Variants in SLC5A4 observed in about 807,000 individuals in gnomAD.
SLC5A4 encodes probable glucose sensor protein SLC5A4.
In SLC5A4, 55 loss-of-function variants were observed where a neutral mutation model predicts 70.3. The ratio of observed to expected loss-of-function variants is 0.78; its 90% CI spans 0.63 to 0.98. The LOEUF (loss-of-function observed/expected upper bound fraction) is 0.98, where lower values mean the gene tolerates loss of function less well. Among genes scored for constraint, SLC5A4 ranks in the 50% least tolerant of loss-of-function variants. The pLI is 0.00. For synonymous variants in SLC5A4, 268 were observed against 305.7 expected (o/e 0.88, Z 1.29); for missense variants, 735 against 839.2 (o/e 0.88, Z 1.53).
At chr22:32,281,729 A>C in the SLC5A4 span, among the ~76,000 whole-genome samples, 7 of 152,002 alleles carry the variant, frequency 4.6e-5, no homozygotes, top group African/African-American at 1.7e-4. Context: ...GTCTCAAGCA[A>C]TCCTTCCCGC....
the SLC5A4 span, among the ~76,000 whole-genome samples, chr22:32,299,054 G>T: frequency 0.1 from 14,245 of 138,602 alleles, 787 homozygotes; most frequent in Non-Finnish European, 0.16. Flanking sequence ...CCCTTTGAGG[G>T]TAACCCGACC....
chr22:32,230,921 G>T, intron 10 of SLC5A4, 47 bp downstream of exon 10: 1 of 1,216,538 alleles, frequency 8.2e-7, no homozygotes, highest in South Asian at 1.2e-5. Context: ...CTCGAGGCCC[G>T]TCTTAGACAG....
At chr22:32,290,736 G>A in the SLC5A4 span, among the ~76,000 whole-genome samples, 1 of 152,092 alleles carries the variant, frequency 6.6e-6, no homozygotes, top group Non-Finnish European at 1.5e-5. Context: ...GCAGCTTGTT[G>A]CTGTGTCCTC....
the SLC5A4 span, among the ~76,000 whole-genome samples, chr22:32,260,987 C>T: frequency 1.3e-5 from 2 of 151,780 alleles, no homozygotes; most frequent in Non-Finnish European, 1.5e-5. Context: ...GCAGGAGAAT[C>T]GTTTGAACCC....
chr22:32,311,758 C>T, the SLC5A4 span, among the ~76,000 whole-genome samples: 6 of 152,208 alleles, frequency 3.9e-5, no homozygotes, highest in Middle Eastern at 3.4e-3. Context: ...GGTGCTTAGC[C>T]AGAATGTGCT....
chr22:32,307,874 T>G, the SLC5A4 span, among the ~76,000 whole-genome samples: 1 of 152,184 alleles, frequency 6.6e-6, no homozygotes. Flanking sequence ...GCAGACACCC[T>G]CTGATACCCA....
chr22:32,325,315 C>A, the SLC5A4 span, among the ~76,000 whole-genome samples: 2 of 152,226 alleles, frequency 1.3e-5, no homozygotes, highest in African/African-American at 4.8e-5. Flanking sequence ...AGCAGCAGAC[C>A]CACGCTGTGT....
At chr22:32,350,453 T>C in the SLC5A4 span, among the ~76,000 whole-genome samples, 2 of 152,200 alleles carry the variant, frequency 1.3e-5, no homozygotes, top group East Asian at 1.9e-4. Context: ...TCTACAGCTA[T>C]ATAATTTAAC....
chr22:32,308,352 G>A, the SLC5A4 span, among the ~76,000 whole-genome samples: 66 of 152,328 alleles, frequency 4.3e-4, no homozygotes, highest in Admixed American at 6.5e-4. Context: ...TGATTGCGAA[G>A]GCAGCCACGC....
the SLC5A4 span, among the ~76,000 whole-genome samples, chr22:32,296,315 T>C: frequency 6.7e-4 from 51 of 75,784 alleles, no homozygotes; most frequent in African/African-American, 2.4e-3. Flanking sequence ...CATTTGTTTG[T>C]ATCCTCTTTT....
chr22:32,312,065 A>ATGAAAACACTTAACT, the SLC5A4 span, among the ~76,000 whole-genome samples: 4 of 152,116 alleles, frequency 2.6e-5, no homozygotes, highest in Admixed American at 1.3e-4. Flanking sequence ...GGGAGAGTGC[A>ATGAAAACACTTAACT]TGAAAACACT....
the SLC5A4 span, among the ~76,000 whole-genome samples, chr22:32,314,226 C>T: frequency 1.3e-5 from 2 of 152,294 alleles, no homozygotes; most frequent in South Asian, 2.1e-4. Context: ...TCTCCATCAC[C>T]GACTTTTTTT....
At chr22:32,311,099 C>G in the SLC5A4 span, among the ~76,000 whole-genome samples, 1 of 152,220 alleles carries the variant, frequency 6.6e-6, no homozygotes, top group African/African-American at 2.4e-5. Context: ...GGCCTTCAAT[C>G]ATCTGCTCAA....
the SLC5A4 span, among the ~76,000 whole-genome samples, chr22:32,335,310 G>A: frequency 1.1e-3 from 169 of 151,948 alleles, no homozygotes; most frequent in African/African-American, 4.0e-3. Flanking sequence ...AGAGCAACCA[G>A]GCTGGCAACA....
the SLC5A4 span, among the ~76,000 whole-genome samples, chr22:32,330,149 G>A: frequency 1.7e-4 from 23 of 135,544 alleles, no homozygotes; most frequent in Admixed American, 5.5e-4. Flanking sequence ...GGCTCTGTGC[G>A]TATTGGGGAC....
intron 2 of SLC5A4, among the ~76,000 whole-genome samples, chr22:32,252,816 G>T (rs74593663): frequency 6.6e-6 from 1 of 152,018 alleles, no homozygotes; most frequent in African/African-American, 2.4e-5. Context: ...TCATCCCCTC[G>T]CCATTACAGT....
In SLC5A4 at chr22:32,220,987, T is replaced by A. The variant is rs1925044164; in HGVS notation, c.1701A>T (p.Thr567=). 1 of 1,614,068 alleles carries A rather than the reference T, an allele frequency of 6.2e-7. No individual in the cohort carries two copies. The highest frequency in any genetic ancestry group is 8.5e-7 in the Non-Finnish European group (1 of 1,179,922). ...YRLCWVLRNS[T]EERIDIDAEE... is the part of the protein sequence containing the mutation. ...CTGCATCTATATCGATTCGCTCCTC[T>A]GTACTGTTCCGAAGAACCCAGCACA... is the stretch of plus-strand genomic sequence containing the variant. The change falls in exon 14 of 15, where the codon ACA becomes ACT. Residue 567 remains threonine (T), a synonymous_variant. Transcript: ENST00000266086.
At chr22:32,268,271 T>C in the SLC5A4 span, 1 of 151,384 alleles carries the variant, frequency 6.6e-6, no homozygotes, top group Non-Finnish European at 1.5e-5. Flanking sequence ...TCTAATAGCA[T>C]GTACATTTTT....
the SLC5A4 span, among the ~76,000 whole-genome samples, chr22:32,304,303 GT>G: frequency 6.6e-6 from 1 of 151,612 alleles, no homozygotes; most frequent in African/African-American, 2.4e-5. Context: ...TTTTTGTGGG[GT>G]TTTTTTCCGT....
Sources: allele counts gnomAD v4.1 joint callset (sites outside exome capture counted in the v4.1 genomes callset), GRCh38; gene constraint gnomAD v4.1.1; transcripts MANE v1.5; gene names NCBI Gene and HGNC (gene_info 2026-07-23, HGNC 2026-07-21).